RAB27B: variants seen among roughly 807,000 people sequenced by gnomAD.
The protein encoded by RAB27B is ras-related protein Rab-27B.
In RAB27B, 15 loss-of-function variants were observed where a neutral mutation model predicts 24.6. That is an observed-to-expected ratio of 0.61 (90% CI 0.41 to 0.94). The LOEUF is 0.94. Among genes scored for constraint, RAB27B ranks in the 40% least tolerant of loss-of-function variants. RAB27B has a pLI of 0.00. For missense variants in RAB27B, 261 were observed against 266.8 expected, an observed-to-expected ratio of 0.98 and a Z score of 0.15; for synonymous variants, 105 against 92.5, an observed-to-expected ratio of 1.14 and a Z score of -0.78.
chr18:54,875,614 G>A (rs1415686805), intron 1 of RAB27B, among the ~76,000 whole-genome samples: 2 of 151,666 alleles, frequency 1.3e-5, no homozygotes, highest in African/African-American at 4.9e-5. Flanking sequence ...AAGAAAGTGT[G>A]TTATATGGCA....
chr18:54,751,239 T>C (rs1907821488), intron 2 of RAB27B, among the ~76,000 whole-genome samples: 1 of 151,722 alleles, frequency 6.6e-6, no homozygotes, highest in East Asian at 1.9e-4. Flanking sequence ...AGCAGAGAGA[T>C]ATAAAGGAGG....
At position 54,889,430 on chromosome 18, in the gene RAB27B, G is replaced by A; in HGVS notation, c.*17G>A. 1 of 1,581,596 alleles carries A rather than the reference G, an allele frequency of 6.3e-7. No homozygotes were observed. ...ATCTGCTAGACTCTACATAGAAACT[G>A]AACATCAAGAACCCCACCAAAATAT... On this transcript the variant is annotated 3_prime_UTR_variant, in exon 6 of 6. Coordinates refer to ENST00000262094, the MANE Select transcript of RAB27B (RefSeq NM_004163.4).
At chr18:54,813,420 G>A (rs1910028453) in intron 2 of RAB27B, among the ~76,000 whole-genome samples, 1 of 152,204 alleles carries the variant, frequency 6.6e-6, no homozygotes, top group Non-Finnish European at 1.5e-5. Context: ...TGTAGTGGGA[G>A]GTGTTGGGTC....
chr18:54,888,921 A>G (rs1913252846), intron 5 of RAB27B, among the ~76,000 whole-genome samples: 1 of 152,150 alleles, frequency 6.6e-6, no homozygotes, highest in South Asian at 2.1e-4. Context: ...TTTATTGATC[A>G]GAGGGTATTT....
intron 2 of RAB27B, among the ~76,000 whole-genome samples, chr18:54,785,733 T>C (rs1909064165): frequency 6.6e-6 from 1 of 152,186 alleles, no homozygotes. Flanking sequence ...TAAATAGGCA[T>C]GTGTTGTTCA....
chr18:54,846,638 T>C (rs28406126), intron 1 of RAB27B, among the ~76,000 whole-genome samples: 4,804 of 152,270 alleles, frequency 0.032, 130 homozygotes, highest in South Asian at 0.095. Flanking sequence ...CCTCTGAGCT[T>C]CCAGGCAATA....
intron 1 of RAB27B, among the ~76,000 whole-genome samples, chr18:54,833,702 G>C (rs1249262572): frequency 3.3e-5 from 5 of 152,182 alleles, no homozygotes; most frequent in Non-Finnish European, 7.3e-5. Flanking sequence ...GTGAGGAAAG[G>C]GCATTTCAGT....
intron 5 of RAB27B, among the ~76,000 whole-genome samples, chr18:54,888,836 C>G (rs925966717): frequency 2.0e-5 from 3 of 152,054 alleles, no homozygotes; most frequent in Non-Finnish European, 4.4e-5. Context: ...CAATGCATAC[C>G]TATTTTTTAA....
rs1913284864 is a variant in RAB27B, at chr18:54,889,553, A to G, written c.*140A>G. 2.5e-6 allele frequency: 2 copies of G among 796,234 alleles called. No individual in the cohort carries two copies. The highest frequency in any genetic ancestry group is 3.8e-6 in the Non-Finnish European group (2 of 522,640). 49.3% of individuals were successfully genotyped at this position (796,234 alleles called of 1,614,324 possible). A position where few individuals can be genotyped will look rare whatever the true frequency, so the allele number is the denominator to read the frequency against. On this transcript the variant is annotated 3_prime_UTR_variant, in exon 6 of 6. Transcript: ENST00000262094. ...TCTGCCAGAAAATCTATTTTAAGAA[A>G]CCAGAATAGTCAACAGTGTTCAAAA...
At chr18:54,844,752 A>C (rs1169521373) in intron 1 of RAB27B, among the ~76,000 whole-genome samples, 3 of 152,046 alleles carry the variant, frequency 2.0e-5, no homozygotes, top group Non-Finnish European at 4.4e-5. Flanking sequence ...AGATACTGAG[A>C]ATCTACTATG....
intron 1 of RAB27B, among the ~76,000 whole-genome samples, chr18:54,877,166 C>T (rs1002336750): frequency 6.6e-6 from 1 of 152,116 alleles, no homozygotes; most frequent in East Asian, 1.9e-4. Flanking sequence ...CTCTCATTCT[C>T]TCTCTTGCCA....
rs539254996 is a variant in RAB27B at position 54,792,323 on chromosome 18, C to T, written c.-20+74182C>T. On this transcript the variant is annotated intron_variant, in intron 2 of 4. Transcript: ENST00000586570. The stretch of plus-strand genomic sequence containing the variant: ...TGCCCTTTGAGGGGAACAAGGGAAC[C>T]TTTCGCCTTTCACCATGAGCCACGG... Among the ~76,000 whole-genome samples, 5 of 152,254 alleles carry T rather than the reference C, an allele frequency of 3.3e-5. No individual in the cohort carries two copies. In the East Asian group the frequency reaches 7.7e-4, roughly 24 times the overall value.
At chr18:54,872,049 C>T (rs1359751858) in intron 1 of RAB27B, among the ~76,000 whole-genome samples, 1 of 151,956 alleles carries the variant, frequency 6.6e-6, no homozygotes, top group Middle Eastern at 3.2e-3. Context: ...TCCCCACTGG[C>T]GAGCAAGGAG....
At chr18:54,876,130 G>GGA (rs1293585326) in intron 1 of RAB27B, among the ~76,000 whole-genome samples, 1 of 151,746 alleles carries the variant, frequency 6.6e-6, no homozygotes, top group Non-Finnish European at 1.5e-5. Flanking sequence ...CAAGGCAGCC[G>GGA]GAGAGAGAGA....
intron 1 of RAB27B, among the ~76,000 whole-genome samples, chr18:54,859,302 A>C (rs1185214626): frequency 3.3e-5 from 5 of 152,202 alleles, no homozygotes; most frequent in African/African-American, 1.2e-4. Context: ...AAGAACAGTC[A>C]CTGTGAATAT....
intron 2 of RAB27B, among the ~76,000 whole-genome samples, chr18:54,773,530 G>A (rs182168000): frequency 6.6e-6 from 1 of 152,296 alleles, no homozygotes; most frequent in African/African-American, 2.4e-5. Context: ...TTTTGTCACA[G>A]GTAGTCCTAT....
At chr18:54,827,858 A>G (rs3764513), upstream of RAB27B, among the ~76,000 whole-genome samples, 34,584 of 152,086 alleles carry the variant, frequency 0.23, 4,192 homozygotes, top group East Asian at 0.39. Flanking sequence ...GACGAATCTA[A>G]TGTGTTTAGA....
In RAB27B at chr18:54,822,424, A is replaced by G. The variant is rs552025366; in HGVS notation, c.-19-55143A>G. Among the ~76,000 whole-genome samples the G allele has an allele frequency of 3.9e-5, 6 of 152,324 alleles. No homozygotes were observed. In the East Asian group the frequency reaches 1.2e-3, roughly 29 times the overall value. On this transcript the variant is annotated intron_variant, in intron 2 of 4. Coordinates refer to the RAB27B transcript ENST00000586570. Reference sequence around the variant, plus strand: ...AACAAAAACACTGGTTTTAGGTAACAGCTTTTGGGAAAATGGAGAAATCAC... The same window carrying G: ...AACAAAAACACTGGTTTTAGGTAACGGCTTTTGGGAAAATGGAGAAATCAC...
intron 2 of RAB27B, among the ~76,000 whole-genome samples, chr18:54,810,551 T>G (rs11664943): frequency 1.3e-5 from 2 of 151,664 alleles, no homozygotes; most frequent in Admixed American, 6.6e-5. Context: ...AAAATCAGGC[T>G]GGGTGCCAAG....
Sources: allele counts gnomAD v4.1 joint callset (sites outside exome capture counted in the v4.1 genomes callset), GRCh38; gene constraint gnomAD v4.1.1; transcripts MANE v1.5; gene names NCBI Gene and HGNC (gene_info 2026-07-23, HGNC 2026-07-21).